Variants in ATP2C1 observed in about 807,000 individuals in gnomAD.
ATP2C1 encodes the protein ATPase secretory pathway Ca2+ transporting 1.
ATP2C1 carries 31 observed loss-of-function variants against 120.5 expected under a neutral mutation model. The ratio of observed to expected loss-of-function variants is 0.26; its 90% CI spans 0.19 to 0.35. The LOEUF (loss-of-function observed/expected upper bound fraction) is 0.35. ATP2C1 is among the 10% of genes least tolerant of loss of function. The pLI is 1.00. For missense variants in ATP2C1, 731 were observed against 1,107.5 expected, an observed-to-expected ratio of 0.66 and a Z score of 4.83; for synonymous variants, 351 against 358.7, an observed-to-expected ratio of 0.98 and a Z score of 0.24.
chr3:130,893,368 GCT>G (rs1364668626), upstream of ATP2C1, among the ~76,000 whole-genome samples: 5 of 152,192 alleles, frequency 3.3e-5, no homozygotes, highest in African/African-American at 1.2e-4. Context: ...TCTCCCTGGA[GCT>G]CTCTGAGGCT....
At chr3:131,003,627 G>A (rs1222580370), downstream of ATP2C1, among the ~76,000 whole-genome samples, 1 of 152,136 alleles carries the variant, frequency 6.6e-6, no homozygotes, top group East Asian at 1.9e-4. Context: ...ACCCAGAGAT[G>A]AAACAAAAGT....
At chr3:130,868,433 C>A (rs1401772657) in intron 1 of ATP2C1, 1 of 125,858 alleles carries the variant, frequency 7.9e-6, no homozygotes, top group South Asian at 2.7e-4. Context: ...GGGGGGTCAG[C>A]CCCCCGCCTG....
chr3:131,013,089 A>C (rs577428979), intron 26 of ATP2C1, among the ~76,000 whole-genome samples: 2 of 152,320 alleles, frequency 1.3e-5, no homozygotes, highest in South Asian at 4.1e-4. Context: ...GTATATTTTC[A>C]GATCTTGCCC....
At chr3:130,858,238 C>T (rs1345503238) in intron 1 of ATP2C1, among the ~76,000 whole-genome samples, 2 of 152,090 alleles carry the variant, frequency 1.3e-5, no homozygotes, top group Non-Finnish European at 2.9e-5. Context: ...ATAGACACAT[C>T]CAGGAACAAT....
chr3:130,973,323 A>G (rs907586179), intron 17 of ATP2C1, among the ~76,000 whole-genome samples: 1 of 152,154 alleles, frequency 6.6e-6, no homozygotes, highest in Non-Finnish European at 1.5e-5. Context: ...ATTTGAGGAC[A>G]CTTGGAGAGG....
chr3:131,014,029 A>G, intron 26 of ATP2C1: 1 of 1,473,334 alleles, frequency 6.8e-7, no homozygotes, highest in Non-Finnish European at 9.2e-7. Flanking sequence ...ATTATATTAA[A>G]TACATCTAGT....
chr3:130,939,087 CAT>C (rs1234834107), intron 6 of ATP2C1, among the ~76,000 whole-genome samples: 1 of 152,200 alleles, frequency 6.6e-6, no homozygotes, highest in Non-Finnish European at 1.5e-5. Flanking sequence ...TTCTTACACA[CAT>C]GTGACCCATC....
intron 20 of ATP2C1, among the ~76,000 whole-genome samples, chr3:130,988,059 A>C (rs894363221): frequency 1.3e-5 from 2 of 152,140 alleles, no homozygotes; most frequent in African/African-American, 4.8e-5. Context: ...TACTGAATCT[A>C]TTCACCAAGT....
At chr3:130,864,181 A>T (rs538701420) in intron 1 of ATP2C1, among the ~76,000 whole-genome samples, 1 of 152,202 alleles carries the variant, frequency 6.6e-6, no homozygotes, top group African/African-American at 2.4e-5. Flanking sequence ...GAGATGAGGA[A>T]CTTGTTGAGA....
At chr3:130,875,091 T>C (rs1209968763) in intron 1 of ATP2C1, among the ~76,000 whole-genome samples, 1 of 152,244 alleles carries the variant, frequency 6.6e-6, no homozygotes, top group Non-Finnish European at 1.5e-5. Flanking sequence ...AATTAGCATA[T>C]CCCTCACCTC....
chr3:130,990,517 G>T (rs1577015084), intron 20 of ATP2C1, among the ~76,000 whole-genome samples: 2 of 152,082 alleles, frequency 1.3e-5, no homozygotes, highest in South Asian at 4.1e-4. Context: ...TGATAGGAGT[G>T]CAGTGAGGTG....
chr3:131,001,433 ATT>A lies in ATP2C1; in HGVS notation c.*85_*86del, dbSNP rs753921334. 3.9e-6 allele frequency: 6 copies of A among 1,537,692 alleles called. No homozygotes were observed. The highest frequency in any genetic ancestry group is 4.4e-6 in the Non-Finnish European group (5 of 1,143,892). ...AGGGCAAGTTCAAGAGGATATGAAG[ATT>A]TGAGAACTTTTTAACTATTCATTGA... On this transcript the variant is annotated 3_prime_UTR_variant, in exon 28 of 28. Transcript: ENST00000510168.
intron 2 of ATP2C1, among the ~76,000 whole-genome samples, chr3:130,925,904 G>T (rs1041627271): frequency 2.0e-5 from 3 of 152,108 alleles, no homozygotes; most frequent in African/African-American, 7.2e-5. Context: ...GGAAGTGGGG[G>T]AAAGCTGGCA....
chr3:130,872,561 T>C (rs1326937757), intron 1 of ATP2C1, among the ~76,000 whole-genome samples: 1 of 151,830 alleles, frequency 6.6e-6, no homozygotes, highest in Non-Finnish European at 1.5e-5. Context: ...GAGACTACAC[T>C]CCCATTTGAG....
intron 16 of ATP2C1, 97 bp from the exon 17 acceptor site, chr3:130,969,195 C>A (rs972710442): frequency 3.8e-6 from 3 of 798,826 alleles, no homozygotes; most frequent in Non-Finnish European, 6.6e-6. Context: ...GAAAAATAAT[C>A]CAGCCAACCT....
At chr3:130,942,552 A>G (rs1320238896) in intron 8 of ATP2C1, among the ~76,000 whole-genome samples, 1 of 152,202 alleles carries the variant, frequency 6.6e-6, no homozygotes, top group African/African-American at 2.4e-5. Context: ...GAGTGTTCTC[A>G]TAGATGCTGT....
intron 12 of ATP2C1, among the ~76,000 whole-genome samples, chr3:130,960,383 A>G (rs1022883881): frequency 1.3e-5 from 2 of 152,192 alleles, no homozygotes; most frequent in East Asian, 3.8e-4. Context: ...CCTTGGGTTA[A>G]AATATCTCGT....
Position 130,894,900 on chromosome 3 carries a change from G to A in ATP2C1, c.6+125G>A. On this transcript the variant is annotated intron_variant, in intron 2 of 27. Transcript: ENST00000510168. This position sits in a 1 kb window ranked among gnomAD's most constrained non-coding sequence, Gnocchi z 4.5. Reference sequence around the variant, plus strand: ...TATTTATTTACTGTGTATGTGAAGTGTCCAAGGATTTGCTTACTTAGGGTA... The same window carrying A: ...TATTTATTTACTGTGTATGTGAAGTATCCAAGGATTTGCTTACTTAGGGTA... 9.3e-7 allele frequency: 1 copy of A among 1,071,454 alleles called. No individual in the cohort carries two copies. Among genetic ancestry groups the A allele is most frequent in the South Asian group, 1.3e-5 (1 of 79,646 alleles). The allele number at this position is 1,071,454 out of a possible 1,614,324, so 66.4% of individuals were successfully genotyped here.
chr3:130,933,954 C>T (rs1183159685), intron 4 of ATP2C1, among the ~76,000 whole-genome samples: 2 of 152,108 alleles, frequency 1.3e-5, no homozygotes, highest in Non-Finnish European at 2.9e-5. Flanking sequence ...AACACTTTAG[C>T]AGAGGAAGAG....
Sources: gnomAD v4.1 joint callset for allele counts (sites outside exome capture counted in the v4.1 genomes callset) on GRCh38, gnomAD v4.1.1 for gene constraint, Gnocchi (gnomAD v3.1) non-coding constraint, MANE v1.5 for transcripts, NCBI Gene and HGNC (gene_info 2026-07-23, HGNC 2026-07-21) for gene names.